Variants in HECW2 observed in about 807,000 individuals in gnomAD.
HECW2 encodes HECT, C2 and WW domain containing E3 ubiquitin protein ligase 2.
Under a neutral mutation model 175.2 loss-of-function variants are expected in HECW2, and 61 were observed. That is an observed-to-expected ratio of 0.35 (90% CI 0.28 to 0.43). HECW2 has a LOEUF of 0.43. Ranked by LOEUF, HECW2 falls within the 20% of genes least tolerant of loss-of-function variation. The pLI is 1.00. For missense variants in HECW2, 1,524 were observed against 2,000.5 expected, an observed-to-expected ratio of 0.76 and a Z score of 4.54; for synonymous variants, 671 against 731.0, an observed-to-expected ratio of 0.92 and a Z score of 1.32.
At chr2:196,575,269 T>C (rs556606648) in intron 1 of HECW2, among the ~76,000 whole-genome samples, 2 of 151,990 alleles carry the variant, frequency 1.3e-5, no homozygotes, top group African/African-American at 2.4e-5. Context: ...AAAGACAATA[T>C]TGGCAAGAAT....
intron 13 of HECW2, among the ~76,000 whole-genome samples, chr2:196,300,176 G>T (rs1690991132): frequency 6.6e-6 from 1 of 152,198 alleles, no homozygotes; most frequent in East Asian, 1.9e-4. Context: ...GTCTAGACTG[G>T]GGTGGGCAAT....
intron 2 of HECW2, among the ~76,000 whole-genome samples, chr2:196,418,961 T>C (rs1452528941): frequency 2.0e-5 from 3 of 152,208 alleles, no homozygotes; most frequent in Non-Finnish European, 2.9e-5. Context: ...CTACATAACA[T>C]GGAATCATCC....
chr2:196,201,802 C>T (rs951260992), intron 28 of HECW2, among the ~76,000 whole-genome samples: 2 of 151,834 alleles, frequency 1.3e-5, no homozygotes, highest in South Asian at 4.1e-4. Context: ...GGTGTCTCTT[C>T]GATACTCTGT....
In HECW2 at chr2:196,390,604, G is replaced by A. The variant is rs538292214; in HGVS notation, c.292+42528C>T. Among the ~76,000 whole-genome samples, 16 of 152,310 alleles carry A rather than the reference G, an allele frequency of 1.1e-4. No homozygotes were observed. In the South Asian group the frequency reaches 3.3e-3, roughly 32 times the overall value. On this transcript the variant is annotated intron_variant, in intron 2 of 28. Coordinates refer to ENST00000644978, the MANE Select transcript of HECW2 (RefSeq NM_001348768.2). ...TTGCACTAATTCATAATGTGGTAGA[G>A]AAAGTACTGTGACTGCATGTTTAGC...
rs962679043 is a variant in HECW2 at position 196,298,519 on chromosome 2, T to G, written c.2815-5769A>C. On this transcript the variant is annotated intron_variant, in intron 13 of 28. Transcript: ENST00000644978. ...ACATTTATTATTTTTTTCTTATACT[T>G]TAAGTTCTCGGGTACATGTGCACAA... is the stretch of plus-strand genomic sequence containing the variant. Among the ~76,000 whole-genome samples the G allele has an allele frequency of 3.3e-5, 5 of 152,364 alleles. No homozygotes were observed. In the South Asian group the frequency reaches 6.2e-4, roughly 19 times the overall value.
intron 1 of HECW2, among the ~76,000 whole-genome samples, chr2:196,434,109 T>C (rs897720066): frequency 1.3e-5 from 2 of 152,222 alleles, no homozygotes; most frequent in African/African-American, 4.8e-5. Context: ...TATTTGGTTA[T>C]TGTCTACTTC....
intron 1 of HECW2, among the ~76,000 whole-genome samples, chr2:196,472,077 GGAAT>G (rs1354261343): frequency 6.6e-6 from 1 of 151,916 alleles, no homozygotes; most frequent in African/African-American, 2.4e-5. Flanking sequence ...TGCAGCTGTG[GGAAT>G]GAATGAACTA....
intron 28 of HECW2, among the ~76,000 whole-genome samples, chr2:196,205,328 C>A (rs759255651): frequency 6.6e-6 from 1 of 152,106 alleles, no homozygotes; most frequent in Non-Finnish European, 1.5e-5. Flanking sequence ...AAACTGAAAG[C>A]GGGGAGATTA....
At chr2:196,446,227 C>T (rs142198474) in intron 1 of HECW2, among the ~76,000 whole-genome samples, 2 of 152,318 alleles carry the variant, frequency 1.3e-5, no homozygotes, top group Non-Finnish European at 2.9e-5. Context: ...TCCCTCTGCT[C>T]TTCTCTTCAG....
At chr2:196,425,481 C>T (rs1179105522) in intron 2 of HECW2, among the ~76,000 whole-genome samples, 1 of 152,114 alleles carries the variant, frequency 6.6e-6, no homozygotes, top group African/African-American at 2.4e-5. Context: ...ATTCTAGATG[C>T]CATTCACAAT....
intron 28 of HECW2, among the ~76,000 whole-genome samples, chr2:196,209,845 G>A (rs1421641186): frequency 2.0e-5 from 3 of 150,930 alleles, no homozygotes; most frequent in Admixed American, 6.6e-5. Flanking sequence ...CTCACTGCAA[G>A]CTCCGCCTCC....
chr2:196,343,115 A>G (rs948449692), intron 3 of HECW2, among the ~76,000 whole-genome samples: 1 of 151,942 alleles, frequency 6.6e-6, no homozygotes. Flanking sequence ...TGCACATATT[A>G]TATAGTTGTC....
At chr2:196,569,066 G>C (rs1156819523) in intron 1 of HECW2, among the ~76,000 whole-genome samples, 2 of 152,200 alleles carry the variant, frequency 1.3e-5, no homozygotes, top group Admixed American at 1.3e-4. Context: ...GGCTGGGAAA[G>C]GCGGCTCATG....
At chr2:196,536,571 T>G (rs986986299) in intron 1 of HECW2, among the ~76,000 whole-genome samples, 3 of 152,140 alleles carry the variant, frequency 2.0e-5, no homozygotes, top group Non-Finnish European at 4.4e-5. Context: ...TTAAAAAACT[T>G]TTGTTCCCGA....
intron 1 of HECW2, among the ~76,000 whole-genome samples, chr2:196,545,462 C>A (rs1342118538): frequency 6.6e-6 from 1 of 152,152 alleles, no homozygotes; most frequent in Non-Finnish European, 1.5e-5. Flanking sequence ...CTCTTGCAAA[C>A]AAAAAGTCCT....
intron 2 of HECW2, among the ~76,000 whole-genome samples, chr2:196,413,842 C>T (rs1695181751): frequency 6.6e-6 from 1 of 152,188 alleles, no homozygotes; most frequent in Non-Finnish European, 1.5e-5. Context: ...ACTGCCCACC[C>T]ACACCAGCCT....
intron 1 of HECW2, chr2:196,592,751 C>G (rs975221372): frequency 1.3e-5 from 2 of 152,048 alleles, no homozygotes; most frequent in African/African-American, 2.4e-5. Flanking sequence ...CCGCTACCTG[C>G]GGCGAGGGCC....
intron 2 of HECW2, among the ~76,000 whole-genome samples, chr2:196,417,396 G>A (rs564191972): frequency 6.6e-6 from 1 of 152,274 alleles, no homozygotes; most frequent in South Asian, 2.1e-4. Flanking sequence ...TGCCCTAGCA[G>A]TGTTGATGCA....
intron 1 of HECW2, among the ~76,000 whole-genome samples, chr2:196,498,938 T>A (rs1687486475): frequency 6.6e-6 from 1 of 152,082 alleles, no homozygotes; most frequent in African/African-American, 2.4e-5. Flanking sequence ...ACTGGTAACA[T>A]GCACCCAGAA....
Sources: allele counts gnomAD v4.1 joint callset (sites outside exome capture counted in the v4.1 genomes callset), GRCh38; gene constraint gnomAD v4.1.1; transcripts MANE v1.5; gene names NCBI Gene and HGNC (gene_info 2026-07-23, HGNC 2026-07-21).